The following L3MBTL4 variants were observed in gnomAD, a reference collection of about 807,000 sequenced individuals.
L3MBTL4 encodes the protein lethal(3)malignant brain tumor-like protein 4.
In L3MBTL4, 70 loss-of-function variants were observed where a neutral mutation model predicts 84.5. That is an observed-to-expected ratio of 0.83 (90% CI 0.68 to 1.01). L3MBTL4 has a LOEUF of 1.01. L3MBTL4 is among the 50% of genes least tolerant of loss of function. The pLI, the probability that L3MBTL4 is intolerant of heterozygous loss-of-function variation, is 0.00. For synonymous variants in L3MBTL4, 274 were observed against 259.8 expected, an observed-to-expected ratio of 1.05 and a Z score of -0.52; for missense variants, 715 against 754.8, an observed-to-expected ratio of 0.95 and a Z score of 0.62.
intron 4 of L3MBTL4, among the ~76,000 whole-genome samples, chr18:6,269,962 T>G (rs1177646711): frequency 6.6e-6 from 1 of 152,220 alleles, no homozygotes; most frequent in East Asian, 1.9e-4. Flanking sequence ...AGGTATATCT[T>G]AAGAGTGGCC....
At chr18:6,269,504 G>A (rs957147107) in intron 4 of L3MBTL4, among the ~76,000 whole-genome samples, 2 of 151,892 alleles carry the variant, frequency 1.3e-5, no homozygotes, top group Admixed American at 1.3e-4. Flanking sequence ...AAGTCATGTC[G>A]ACAATATATA....
At chr18:6,267,676 T>G (rs1464714245) in intron 4 of L3MBTL4, among the ~76,000 whole-genome samples, 2 of 152,264 alleles carry the variant, frequency 1.3e-5, no homozygotes, top group Non-Finnish European at 2.9e-5. Context: ...TTTCCAATTG[T>G]CATGCATTAT....
At chr18:6,043,028 T>C (rs1164441760) in intron 16 of L3MBTL4, among the ~76,000 whole-genome samples, 1 of 152,166 alleles carries the variant, frequency 6.6e-6, no homozygotes, top group Non-Finnish European at 1.5e-5. Context: ...AGCACCCCCA[T>C]CTATTCAGTT....
At chr18:6,072,881 AATATAT>A (rs71163258) in intron 16 of L3MBTL4, among the ~76,000 whole-genome samples, 259 of 20,336 alleles carry the variant, frequency 0.013, 22 homozygotes, top group Non-Finnish European at 0.019. Context: ...AAAAAAAAAA[AATATAT>A]ATATATATAT....
At chr18:6,261,357 A>C (rs1455650494) in intron 5 of L3MBTL4, among the ~76,000 whole-genome samples, 1 of 152,200 alleles carries the variant, frequency 6.6e-6, no homozygotes, top group Non-Finnish European at 1.5e-5. Flanking sequence ...ACACACTAAC[A>C]CTTTGCTGTT....
Position 6,213,215 on chromosome 18 carries a change from C to T in L3MBTL4, c.915G>A (p.Val305=). ...GAATTAACCTGGGGTTCCGTTTATC[C>T]ACAACTTCAAGTTTCATATTTGGCA... ...GFLPNMKLEV[V]DKRNPRLIRV... The change falls in exon 12 of 19, where the codon GTG becomes GTA. Residue 305 remains valine, a synonymous_variant. Coordinates refer to ENST00000317931, the MANE Select transcript of L3MBTL4 (RefSeq NM_001330559.2). The T allele has an allele frequency of 6.2e-7, 1 of 1,611,104 alleles. No homozygotes were observed. Among genetic ancestry groups the T allele is most frequent in the Non-Finnish European group, 8.5e-7 (1 of 1,178,954 alleles).
At chr18:6,355,686 T>A (rs1298593115) in intron 1 of L3MBTL4, among the ~76,000 whole-genome samples, 1 of 152,154 alleles carries the variant, frequency 6.6e-6, no homozygotes, top group Non-Finnish European at 1.5e-5. Flanking sequence ...TTCATCTCAA[T>A]GACTTAAAAT....
At chr18:6,073,332 A>T (rs2057750699) in intron 16 of L3MBTL4, among the ~76,000 whole-genome samples, 1 of 152,122 alleles carries the variant, frequency 6.6e-6, no homozygotes, top group African/African-American at 2.4e-5. Context: ...TTTAAATGAA[A>T]TATACAAATT....
At chr18:6,313,742 G>T (rs952812948) in intron 1 of L3MBTL4, among the ~76,000 whole-genome samples, 1 of 152,050 alleles carries the variant, frequency 6.6e-6, no homozygotes, top group Non-Finnish European at 1.5e-5. Flanking sequence ...AAAATGATCT[G>T]CCTTGATAAT....
At chr18:6,238,773 C>T (rs965763997) in intron 9 of L3MBTL4, among the ~76,000 whole-genome samples, 8 of 152,080 alleles carry the variant, frequency 5.3e-5, no homozygotes, top group African/African-American at 1.9e-4. Flanking sequence ...CTCTGCTTTG[C>T]CTCTGAGTTC....
At chr18:6,405,389 C>T (rs1026488760) in intron 1 of L3MBTL4, among the ~76,000 whole-genome samples, 1 of 152,214 alleles carries the variant, frequency 6.6e-6, no homozygotes, top group Admixed American at 6.5e-5. Context: ...GGTAATGCAG[C>T]CCTGCCGCTC....
intron 1 of L3MBTL4, among the ~76,000 whole-genome samples, chr18:6,344,297 A>G (rs188686237): frequency 6.6e-6 from 1 of 152,324 alleles, no homozygotes; most frequent in Admixed American, 6.5e-5. Flanking sequence ...GATGACCTAG[A>G]AGAAATGGAT....
intron 13 of L3MBTL4, among the ~76,000 whole-genome samples, chr18:6,139,328 T>C (rs930312134): frequency 6.6e-6 from 1 of 152,138 alleles, no homozygotes. Context: ...CTGTGCTATA[T>C]TGTACTATAT....
At chr18:6,216,513 T>G (rs74834431) in intron 10 of L3MBTL4, among the ~76,000 whole-genome samples, 1,528 of 152,232 alleles carry the variant, frequency 0.01, 32 homozygotes, top group African/African-American at 0.035. Flanking sequence ...CTTTTTTCTT[T>G]TCTAATTATA....
At chr18:6,197,214 G>C (rs623485) in intron 12 of L3MBTL4, among the ~76,000 whole-genome samples, 1 of 152,182 alleles carries the variant, frequency 6.6e-6, no homozygotes, top group East Asian at 1.9e-4. Flanking sequence ...CCATCACCTA[G>C]GTATTAAGCA....
At position 6,263,984 on chromosome 18, in the gene L3MBTL4, T is replaced by G; in HGVS notation, c.182A>C (p.Gln61Pro). 6.2e-7 allele frequency: 1 copy of G among 1,614,130 alleles called. No individual in the cohort carries two copies. Among genetic ancestry groups the G allele is most frequent in the Non-Finnish European group, 8.5e-7 (1 of 1,179,924 alleles). Residue 61 changes from glutamine (Q) to proline (P), a missense_variant, in exon 5 of 19, where the codon CAG (glutamine) becomes CCG (proline). Physicochemically the swap from Gln to Pro is moderately conservative, Grantham distance 76 (BLOSUM62 -1). Coordinates refer to ENST00000317931, the MANE Select transcript of L3MBTL4 (RefSeq NM_001330559.2). Reference protein sequence around the residue: ...AWSWEWYLKEQKAVAAPVELF... With the variant: ...AWSWEWYLKEPKAVAAPVELF... ...CTCAACAGGTGCTGCGACAGCCTTC[T>G]GTTCTTTCAAGTACCACTCCCAAGA... is the stretch of plus-strand genomic sequence containing the variant.
intron 5 of L3MBTL4, among the ~76,000 whole-genome samples, chr18:6,244,984 A>T (rs1479347444): frequency 6.6e-6 from 1 of 152,120 alleles, no homozygotes; most frequent in East Asian, 1.9e-4. Context: ...ATCTTGGCTC[A>T]CTGCAACCTC....
At chr18:6,326,067 A>G (rs555833522) in intron 1 of L3MBTL4, among the ~76,000 whole-genome samples, 2 of 152,290 alleles carry the variant, frequency 1.3e-5, no homozygotes, top group South Asian at 4.1e-4. Context: ...AGATCACACT[A>G]TTCTGAAGGA....
chr18:6,023,684 T>G (rs1319322571), intron 16 of L3MBTL4, among the ~76,000 whole-genome samples: 1 of 152,208 alleles, frequency 6.6e-6, no homozygotes, highest in Non-Finnish European at 1.5e-5. Context: ...TAATTGTAAC[T>G]GAAAACCTAG....
Sources: allele counts gnomAD v4.1 joint callset (sites outside exome capture counted in the v4.1 genomes callset), GRCh38; gene constraint gnomAD v4.1.1; transcripts MANE v1.5; gene names NCBI Gene and HGNC (gene_info 2026-07-23, HGNC 2026-07-21).